CHODL: variants seen among roughly 807,000 people sequenced by gnomAD.
CHODL encodes transmembrane protein MT75.
Under a neutral mutation model 34.5 loss-of-function variants are expected in CHODL, and 29 were observed. That is an observed-to-expected ratio of 0.84 (90% confidence interval 0.63 to 1.15). The LOEUF (loss-of-function observed/expected upper bound fraction) is 1.15, where lower values mean the gene tolerates loss of function less well. CHODL is among the 50% of genes most tolerant of loss of function. The pLI is 0.00. For missense variants in CHODL, 332 were observed against 332.5 expected (o/e 1.00, Z 0.01); for synonymous variants, 125 against 116.1 (o/e 1.08, Z -0.49).
At chr21:18,147,650 T>C (rs935431628) in intron 2 of CHODL, among the ~76,000 whole-genome samples, 10 of 152,224 alleles carry the variant, frequency 6.6e-5, no homozygotes, top group Admixed American at 6.5e-4. Context: ...GTAGCAAATA[T>C]TTTAGGCTTT....
intron 2 of CHODL, among the ~76,000 whole-genome samples, chr21:18,146,469 A>C (rs2072890737): frequency 6.6e-6 from 1 of 151,960 alleles, no homozygotes; most frequent in Non-Finnish European, 1.5e-5. Context: ...AGAATGAGTG[A>C]GTTCTCATGA....
intron 2 of CHODL, among the ~76,000 whole-genome samples, chr21:18,198,715 T>A (rs889113311): frequency 1.3e-5 from 2 of 152,074 alleles, no homozygotes; most frequent in African/African-American, 4.8e-5. Context: ...GCCCATTATA[T>A]TAATATGTCA....
intron 1 of CHODL, among the ~76,000 whole-genome samples, chr21:17,984,129 C>T (rs1354727978): frequency 6.6e-6 from 1 of 152,132 alleles, no homozygotes; most frequent in Non-Finnish European, 1.5e-5. Flanking sequence ...ATTTTAGATA[C>T]CCGATGTAAG....
intron 2 of CHODL, among the ~76,000 whole-genome samples, chr21:18,103,679 C>T (rs2065241262): frequency 6.6e-6 from 1 of 152,222 alleles, no homozygotes; most frequent in South Asian, 2.1e-4. Context: ...GAAGGCTGGG[C>T]TCAGCTAGAG....
intron 2 of CHODL, among the ~76,000 whole-genome samples, chr21:18,098,312 T>G (rs1240811331): frequency 6.6e-6 from 1 of 151,942 alleles, no homozygotes; most frequent in Non-Finnish European, 1.5e-5. Context: ...ACTACCCATA[T>G]GATAAGGAAT....
intron 2 of CHODL, among the ~76,000 whole-genome samples, chr21:18,087,953 G>A (rs1474448236): frequency 6.6e-6 from 1 of 152,124 alleles, no homozygotes; most frequent in Non-Finnish European, 1.5e-5. Flanking sequence ...GAAGAGGAAG[G>A]AGGCACGATC....
At chr21:18,265,150 C>A (rs910642114) in intron 5 of CHODL, among the ~76,000 whole-genome samples, 2 of 149,810 alleles carry the variant, frequency 1.3e-5, no homozygotes, top group Non-Finnish European at 3.0e-5. Flanking sequence ...TCAATCAATG[C>A]GTGGATAAAG....
intron 2 of CHODL, among the ~76,000 whole-genome samples, chr21:18,215,815 C>T (rs2073822127): frequency 2.0e-5 from 3 of 152,106 alleles, no homozygotes; most frequent in South Asian, 4.1e-4. Flanking sequence ...GAACTCGCTA[C>T]TTCTATCTAT....
intron 2 of CHODL, among the ~76,000 whole-genome samples, chr21:18,208,444 T>C (rs2073737676): frequency 6.6e-6 from 1 of 152,182 alleles, no homozygotes; most frequent in Non-Finnish European, 1.5e-5. Context: ...ATTCTGTATC[T>C]GAAAGATCAC....
intron 2 of CHODL, among the ~76,000 whole-genome samples, chr21:18,147,962 T>C (rs9977012): frequency 0.053 from 8,053 of 152,274 alleles, 576 homozygotes; most frequent in African/African-American, 0.17. Context: ...TTGTACATCT[T>C]ATTTCAGGCT....
At chr21:18,146,460 G>C (rs1261053380) in intron 2 of CHODL, among the ~76,000 whole-genome samples, 3 of 152,088 alleles carry the variant, frequency 2.0e-5, no homozygotes, top group Non-Finnish European at 4.4e-5. Context: ...GTTCTCATGA[G>C]AATGAGTGAG....
intron 4 of CHODL, 146 bp from the exon 5 acceptor site, chr21:18,262,645 A>C: frequency 1.7e-6 from 1 of 592,078 alleles, no homozygotes; most frequent in South Asian, 2.1e-5. Flanking sequence ...TTATTTCATT[A>C]GATTTTTCAA....
chr21:17,950,537 T>TACACACACACACACAC (rs1568813369), intron 1 of CHODL, among the ~76,000 whole-genome samples: 4 of 43,986 alleles, frequency 9.1e-5, no homozygotes, highest in African/African-American at 3.6e-4. Context: ...CACACACACT[T>TACACACACACACACAC]CTTTAAAGCC....
chr21:18,068,338 A>T (rs1054889145), intron 2 of CHODL, among the ~76,000 whole-genome samples: 1 of 151,450 alleles, frequency 6.6e-6, no homozygotes, highest in African/African-American at 2.4e-5. Flanking sequence ...CTGGGTTTAC[A>T]GGCACCCGCC....
chr21:18,186,835 T>C (rs74770839), intron 2 of CHODL, among the ~76,000 whole-genome samples: 2,902 of 152,306 alleles, frequency 0.019, 93 homozygotes, highest in African/African-American at 0.064. Context: ...ATTTTTCAAA[T>C]TGTGTTTGAA....
In CHODL at chr21:18,165,198, T is replaced by C. The variant is rs117427055; in HGVS notation, c.-44-91311T>C. ...AATCGTCATTTGGGAGAAACAAGTC[T>C]ACTCTAGTTGAGAACTGCTGTACTC... On this transcript the variant is annotated intron_variant, in intron 2 of 6. Coordinates refer to the CHODL transcript ENST00000400127. Among the ~76,000 whole-genome samples, 805 of 152,342 alleles carry C rather than the reference T, an allele frequency of 5.3e-3. 18 individuals carry two copies. Among genetic ancestry groups the C allele is most frequent in the East Asian group, 0.049 (253 of 5,174 alleles).
chr21:18,256,971 A>G lies in CHODL; in HGVS notation c.391A>G (p.Asn131Asp). The part of the protein sequence containing the change: ...WSDGSNSQYR[N>D]WYTDEPSCGS... ...GTTCCTATTACTCTCTGTTTGCAGA[A>G]ACTGGTACACAGATGAACCTTCCTG... is the stretch of plus-strand genomic sequence containing the variant. The change falls in exon 3 of 6, where the codon AAC becomes GAC. Residue 131 changes from asparagine (N) to aspartate (D), a missense_variant and splice_region_variant. Coordinates refer to ENST00000299295, the MANE Select transcript of CHODL (RefSeq NM_024944.3). 2 of 1,611,604 alleles carry G rather than the reference A, an allele frequency of 1.2e-6. No individual in the cohort carries two copies. The highest frequency in any genetic ancestry group is 1.1e-5 in the South Asian group (1 of 90,714).
chr21:17,978,206 G>A (rs1232881211), intron 1 of CHODL, among the ~76,000 whole-genome samples: 2 of 148,710 alleles, frequency 1.3e-5, no homozygotes, highest in East Asian at 2.0e-4. Context: ...GGTGCATTAC[G>A]AGGTCAGGAG....
At chr21:18,206,992 C>T (rs1168820053) in intron 2 of CHODL, among the ~76,000 whole-genome samples, 1 of 152,004 alleles carries the variant, frequency 6.6e-6, no homozygotes, top group Admixed American at 6.6e-5. Context: ...CCCATCAACT[C>T]GTCATTTACA....
Sources: gnomAD v4.1 joint callset for allele counts (sites outside exome capture counted in the v4.1 genomes callset) on GRCh38, gnomAD v4.1.1 for gene constraint, MANE v1.5 for transcripts, NCBI Gene and HGNC (gene_info 2026-07-23, HGNC 2026-07-21) for gene names.